ARHGAP15: variants seen among roughly 807,000 people sequenced by gnomAD.
ARHGAP15 encodes Rho GTPase activating protein 15.
In ARHGAP15, 51 loss-of-function variants were observed where a neutral mutation model predicts 63.7. The observed-to-expected ratio is 0.80, with a 90% CI of 0.64 to 1.01. The LOEUF is 1.01. Among genes scored for constraint, ARHGAP15 ranks in the 50% least tolerant of loss-of-function variants. The probability of loss-of-function intolerance (pLI) is 0.00; values close to 1 mark genes in which losing one functional copy is unlikely to be tolerated. For missense variants in ARHGAP15, 560 were observed against 564.6 expected (o/e 0.99, Z 0.08); for synonymous variants, 191 against 193.8 (o/e 0.99, Z 0.12).
chr2:143,209,301 T>G (rs1048906100), intron 3 of ARHGAP15, among the ~76,000 whole-genome samples: 1 of 152,110 alleles, frequency 6.6e-6, no homozygotes, highest in African/African-American at 2.4e-5. Flanking sequence ...CAATAATAAG[T>G]TATATAATTT....
At chr2:143,575,130 G>T (rs902073272) in intron 11 of ARHGAP15, among the ~76,000 whole-genome samples, 12 of 152,222 alleles carry the variant, frequency 7.9e-5, no homozygotes, top group African/African-American at 2.4e-4. Flanking sequence ...TTTCTCTAGT[G>T]AAAATTCTTA....
At chr2:143,735,188 AT>A (rs1685697965) in intron 13 of ARHGAP15, among the ~76,000 whole-genome samples, 1 of 152,164 alleles carries the variant, frequency 6.6e-6, no homozygotes, top group African/African-American at 2.4e-5. Context: ...GGATCAATCT[AT>A]TTGATACCAT....
At chr2:143,491,812 T>G (rs543806302) in intron 9 of ARHGAP15, among the ~76,000 whole-genome samples, 39 of 152,294 alleles carry the variant, frequency 2.6e-4, no homozygotes, top group African/African-American at 9.1e-4. Context: ...GACAGTACTT[T>G]AGGTTTCTAC....
chr2:143,412,106 C>A (rs1397333559), intron 6 of ARHGAP15, among the ~76,000 whole-genome samples: 1 of 152,104 alleles, frequency 6.6e-6, no homozygotes, highest in East Asian at 1.9e-4. Flanking sequence ...AGAGAAGTGA[C>A]ATGATTCTGT....
At chr2:143,261,917 G>GA (rs1193911182) in intron 6 of ARHGAP15, among the ~76,000 whole-genome samples, 1 of 152,166 alleles carries the variant, frequency 6.6e-6, no homozygotes, top group Non-Finnish European at 1.5e-5. Flanking sequence ...GGATAGACAA[G>GA]ATGAAGCATT....
intron 6 of ARHGAP15, among the ~76,000 whole-genome samples, chr2:143,259,893 T>C (rs1348260362): frequency 6.6e-6 from 1 of 152,206 alleles, no homozygotes; most frequent in African/African-American, 2.4e-5. Context: ...AATAAGTATA[T>C]ACCCAAATAT....
intron 1 of ARHGAP15, 134 bp downstream of exon 1, chr2:143,129,600 G>C (rs1688843699): frequency 6.6e-6 from 1 of 152,088 alleles, no homozygotes; most frequent in Admixed American, 6.5e-5. Flanking sequence ...ACATTGGCTG[G>C]TTTCCTTTGA....
chr2:143,736,774 T>C (rs896942884), intron 13 of ARHGAP15, among the ~76,000 whole-genome samples: 4 of 152,196 alleles, frequency 2.6e-5, no homozygotes, highest in African/African-American at 9.7e-5. Context: ...AAATGATAGC[T>C]GGAAGCTATT....
chr2:143,166,001 A>AGAAAGAAAGAAAGAAAGAAGGAAGGAAG (rs70982847), intron 2 of ARHGAP15, among the ~76,000 whole-genome samples: 16 of 101,148 alleles, frequency 1.6e-4, no homozygotes, highest in African/African-American at 7.3e-4. Flanking sequence ...AAAGAAAGAA[A>AGAAAGAAAGAAAGAAAGAAGGAAGGAAG]GAAGGAAGGA....
chr2:143,138,305 G>C (rs181320336), intron 1 of ARHGAP15, among the ~76,000 whole-genome samples: 1 of 152,142 alleles, frequency 6.6e-6, no homozygotes, highest in African/African-American at 2.4e-5. Context: ...AATTTACAAA[G>C]CTTCTCGGTA....
intron 13 of ARHGAP15, among the ~76,000 whole-genome samples, chr2:143,725,176 AAG>A (rs531119538): frequency 6.4e-4 from 98 of 152,348 alleles, no homozygotes; most frequent in African/African-American, 2.3e-3. Flanking sequence ...ATCTAAGTAA[AAG>A]AAGTTTTATT....
rs575683595 is a variant in ARHGAP15 at position 143,740,087 on chromosome 2, A to G, written c.1245-27902A>G. On this transcript the variant is annotated intron_variant, in intron 13 of 13. Transcript: ENST00000295095. Reference sequence around the variant, plus strand: ...TTGAGAGATTATGTTTCCACAACCAAAATGGTCCATCAAAATGTTTTGCTA... The same window carrying G: ...TTGAGAGATTATGTTTCCACAACCAGAATGGTCCATCAAAATGTTTTGCTA... Among the ~76,000 whole-genome samples, 44 of 152,248 alleles carry G rather than the reference A, an allele frequency of 2.9e-4. No homozygotes were observed. In the South Asian group the frequency reaches 7.3e-3, roughly 25 times the overall value.
chr2:143,153,876 C>CTCT (rs1558779837), intron 1 of ARHGAP15, among the ~76,000 whole-genome samples: 1,033 of 57,198 alleles, frequency 0.018, 53 homozygotes, highest in South Asian at 0.039. Context: ...CCTCCTCTTC[C>CTCT]TCCTCCTCCT....
chr2:143,512,962 C>G (rs1293703719), intron 9 of ARHGAP15, among the ~76,000 whole-genome samples: 5 of 152,226 alleles, frequency 3.3e-5, no homozygotes, highest in Non-Finnish European at 7.3e-5. Flanking sequence ...CTCTCAGTAT[C>G]CAAATTCTAA....
Position 143,249,263 on chromosome 2 carries a change from T to C in ARHGAP15, c.385-1248T>C, listed in dbSNP as rs535480350. 3.2e-4 allele frequency among the ~76,000 whole-genome samples: 48 copies of C among 152,164 alleles called. 1 individual carries two copies. The highest frequency in any genetic ancestry group is 1.1e-3 in the African/African-American group (45 of 41,550). ...CTGGGTTTATCCTGTAGGAAAGTTA[T>C]ACAATGTTTCAAAAAAAAATTCAGT... is the stretch of plus-strand genomic sequence containing the variant. On this transcript the variant is annotated intron_variant, in intron 5 of 13. Transcript: ENST00000295095.
At chr2:143,342,476 G>A (rs937949115) in intron 6 of ARHGAP15, among the ~76,000 whole-genome samples, 1 of 152,036 alleles carries the variant, frequency 6.6e-6, no homozygotes, top group African/African-American at 2.4e-5. Flanking sequence ...CTCCTGTATG[G>A]CGATAGAGTA....
chr2:143,320,863 G>A (rs921209604), intron 6 of ARHGAP15, among the ~76,000 whole-genome samples: 46 of 152,008 alleles, frequency 3.0e-4, no homozygotes, highest in African/African-American at 1.1e-3. Flanking sequence ...AGAGCTTTGC[G>A]TGCTCTGCAG....
intron 10 of ARHGAP15, among the ~76,000 whole-genome samples, chr2:143,542,194 T>C (rs1255878629): frequency 2.6e-5 from 4 of 152,212 alleles, no homozygotes; most frequent in Non-Finnish European, 5.9e-5. Flanking sequence ...GGATATAATC[T>C]GCTGGTGTGT....
intron 9 of ARHGAP15, among the ~76,000 whole-genome samples, chr2:143,506,417 TCAAG>T (rs1693323302): frequency 6.6e-6 from 1 of 152,136 alleles, no homozygotes. Context: ...TCCTACTTAG[TCAAG>T]TAAGTGACAA....
Sources: allele counts gnomAD v4.1 joint callset (sites outside exome capture counted in the v4.1 genomes callset), GRCh38; gene constraint gnomAD v4.1.1; transcripts MANE v1.5; gene names NCBI Gene and HGNC (gene_info 2026-07-23, HGNC 2026-07-21).